SNX29: variants seen among roughly 807,000 people sequenced by gnomAD.
SNX29 encodes sorting nexin-29.
Under a neutral mutation model 102.1 loss-of-function variants are expected in SNX29, and 78 were observed. The observed-to-expected ratio is 0.76, with a 90% CI of 0.64 to 0.92. The LOEUF is 0.92. Ranked by LOEUF, SNX29 falls within the 40% of genes least tolerant of loss-of-function variation. SNX29 has a pLI of 0.00. For synonymous variants in SNX29, 580 were observed against 414.5 expected (o/e 1.40, Z -4.85); for missense variants, 1,280 against 1,061.7 (o/e 1.21, Z -2.86).
chr16:12,378,703 A>G (rs976396350), intron 16 of SNX29, among the ~76,000 whole-genome samples: 8 of 152,150 alleles, frequency 5.3e-5, no homozygotes, highest in African/African-American at 1.9e-4. Flanking sequence ...CATGCCAACC[A>G]TAGCAGCAAG....
chr16:12,552,029 C>T (rs1003532678), intron 20 of SNX29, among the ~76,000 whole-genome samples: 1 of 152,176 alleles, frequency 6.6e-6, no homozygotes, highest in Admixed American at 6.5e-5. Flanking sequence ...CGTGGCAAGT[C>T]CAGGCTCAGA....
intron 4 of SNX29, among the ~76,000 whole-genome samples, chr16:12,033,650 A>C (rs1011328798): frequency 1.4e-5 from 2 of 145,024 alleles, no homozygotes; most frequent in Non-Finnish European, 3.0e-5. Flanking sequence ...TCTGTTGCCC[A>C]TGCTGGAGTG....
intron 8 of SNX29, among the ~76,000 whole-genome samples, chr16:12,058,269 C>T (rs1436354761): frequency 6.6e-6 from 1 of 152,040 alleles, no homozygotes; most frequent in Non-Finnish European, 1.5e-5. Context: ...GATAATGTGG[C>T]TGTTGGGTGG....
intron 18 of SNX29, among the ~76,000 whole-genome samples, chr16:12,448,817 G>T (rs7188465): frequency 0.68 from 103,492 of 152,000 alleles, 36,215 homozygotes; most frequent in African/African-American, 0.84. Context: ...GCATCAAACT[G>T]CCTTGCATCC....
At chr16:12,438,374 G>A (rs751201160) in intron 18 of SNX29, among the ~76,000 whole-genome samples, 1 of 152,030 alleles carries the variant, frequency 6.6e-6, no homozygotes, top group Non-Finnish European at 1.5e-5. Flanking sequence ...CTTTCTGCTG[G>A]TGTCCTTCTC....
At chr16:12,376,301 C>T (rs867726161) in intron 16 of SNX29, among the ~76,000 whole-genome samples, 3 of 152,156 alleles carry the variant, frequency 2.0e-5, no homozygotes, top group Non-Finnish European at 1.5e-5. Context: ...CAGGTGAAGC[C>T]GAGCAATCGC....
At position 12,003,027 on chromosome 16, in the gene SNX29, T is replaced by A. The variant is rs1199917929; in HGVS notation, c.106T>A (p.Ser36Thr). ...IRFGGRKEIA[S>T]DSDSRVTCLC... Reference sequence around the variant, plus strand: ...CTTTGGAGGGAGAAAGGAGATTGCCTCGGATTCCGACAGCAGGTAAATATG... The same window carrying A: ...CTTTGGAGGGAGAAAGGAGATTGCCACGGATTCCGACAGCAGGTAAATATG... The change falls in exon 3 of 21, where the codon TCG becomes ACG. Residue 36 changes from serine to threonine, a missense_variant. Physicochemically the swap from Ser to Thr is moderately conservative, Grantham distance 58. Transcript: ENST00000566228. The A allele has an allele frequency of 6.2e-7, 1 of 1,614,180 alleles. No homozygotes were observed. Among genetic ancestry groups the A allele is most frequent in the Middle Eastern group, 1.6e-4 (1 of 6,062 alleles).
At chr16:12,242,415 G>C (rs1251613178) in intron 14 of SNX29, among the ~76,000 whole-genome samples, 3 of 140,774 alleles carry the variant, frequency 2.1e-5, no homozygotes, top group Non-Finnish European at 4.6e-5. Flanking sequence ...TCCTCATCTT[G>C]AATCCTGTGA....
intron 18 of SNX29, among the ~76,000 whole-genome samples, chr16:12,454,192 T>G (rs558938620): frequency 6.6e-6 from 1 of 152,132 alleles, no homozygotes; most frequent in Non-Finnish European, 1.5e-5. Flanking sequence ...TGAGATATGA[T>G]AGGTGGAACT....
intron 15 of SNX29, among the ~76,000 whole-genome samples, chr16:12,283,879 T>C (rs918413699): frequency 2.0e-5 from 3 of 152,198 alleles, no homozygotes; most frequent in Non-Finnish European, 4.4e-5. Context: ...ACAGCTTCTT[T>C]AGATAATTCC....
chr16:12,429,942 A>G (rs1186385661), intron 18 of SNX29, among the ~76,000 whole-genome samples: 1 of 152,146 alleles, frequency 6.6e-6, no homozygotes, highest in African/African-American at 2.4e-5. Flanking sequence ...GCTGTGCTTT[A>G]TTCAAGGGTC....
At chr16:12,191,336 G>C (rs2076637630) in intron 13 of SNX29, among the ~76,000 whole-genome samples, 1 of 152,172 alleles carries the variant, frequency 6.6e-6, no homozygotes, top group South Asian at 2.1e-4. Flanking sequence ...GACTGGTCCA[G>C]TTTTCACTCT....
chr16:12,209,787 C>G (rs778802941), intron 14 of SNX29, among the ~76,000 whole-genome samples: 1 of 152,206 alleles, frequency 6.6e-6, no homozygotes, highest in Non-Finnish European at 1.5e-5. Flanking sequence ...TTAAGTCAGG[C>G]ATTGCTTATT....
At chr16:12,372,149 C>T (rs761152353) in intron 16 of SNX29, among the ~76,000 whole-genome samples, 6 of 152,216 alleles carry the variant, frequency 3.9e-5, no homozygotes, top group Non-Finnish European at 8.8e-5. Flanking sequence ...TATACACACA[C>T]ACATGCCTAA....
In SNX29 at chr16:12,571,903, T is replaced by G. The variant is rs935295973; in HGVS notation, c.*3274T>G. The G allele has an allele frequency of 1.0e-5, 11 of 1,061,750 alleles. No individual in the cohort carries two copies. The highest frequency in any genetic ancestry group is 1.3e-5 in the Non-Finnish European group (11 of 876,982). 65.8% of individuals were successfully genotyped at this position (1,061,750 alleles called of 1,614,324 possible). ...GAGCTGAGGTTCAAAGCCCCCTGCATTTCTCTACTGGCAGGCCCTGGTGAA... is the reference window on the plus strand; with the variant it reads ...GAGCTGAGGTTCAAAGCCCCCTGCAGTTCTCTACTGGCAGGCCCTGGTGAA... On this transcript the variant is annotated 3_prime_UTR_variant, in exon 21 of 21. Coordinates refer to ENST00000566228, the MANE Select transcript of SNX29 (RefSeq NM_032167.5).
At chr16:12,552,578 C>A (rs2561035) in intron 20 of SNX29, among the ~76,000 whole-genome samples, 1 of 151,516 alleles carries the variant, frequency 6.6e-6, no homozygotes, top group Non-Finnish European at 1.5e-5. Context: ...AGTTGCTGCC[C>A]TCATGGAGTT....
intron 14 of SNX29, among the ~76,000 whole-genome samples, chr16:12,262,417 G>A (rs2078802120): frequency 6.6e-6 from 1 of 152,172 alleles, no homozygotes; most frequent in Non-Finnish European, 1.5e-5. Context: ...TCATCCCAAA[G>A]AGATACTTAA....
intron 14 of SNX29, among the ~76,000 whole-genome samples, chr16:12,275,743 A>G (rs1234163597): frequency 8.5e-6 from 1 of 117,294 alleles, no homozygotes; most frequent in Non-Finnish European, 1.9e-5. Flanking sequence ...TTTTGCTTTT[A>G]TTGTTATTTT....
At chr16:12,534,817 C>T (rs963686532) in intron 20 of SNX29, among the ~76,000 whole-genome samples, 12 of 152,270 alleles carry the variant, frequency 7.9e-5, no homozygotes, top group Middle Eastern at 3.4e-3. Context: ...TCCCCAGTTC[C>T]AGGCACAGCT....
Sources: gnomAD v4.1 joint callset for allele counts (sites outside exome capture counted in the v4.1 genomes callset) on GRCh38, gnomAD v4.1.1 for gene constraint, MANE v1.5 for transcripts, NCBI Gene and HGNC (gene_info 2026-07-23, HGNC 2026-07-21) for gene names.